The following ANK2 variants were observed in gnomAD, a reference collection of about 807,000 sequenced individuals.
ANK2 encodes the protein ankyrin-2.
A neutral mutation model predicts 360.5 loss-of-function variants in ANK2; 83 were observed. The ratio of observed to expected loss-of-function variants is 0.23; its 90% CI spans 0.19 to 0.28. ANK2 has a LOEUF of 0.28. Among genes scored for constraint, ANK2 ranks in the 10% least tolerant of loss-of-function variants. ANK2 has a pLI of 1.00. For missense variants in ANK2, 4,201 were observed against 4,795.7 expected (o/e 0.88, Z 3.66); for synonymous variants, 1,740 against 1,759.5 (o/e 0.99, Z 0.28).
chr4:113,381,400 A>C lies in ANK2; in HGVS notation c.11860-57A>C. The C allele has an allele frequency of 3.1e-6, 5 of 1,602,522 alleles. No homozygotes were observed. The South Asian group carries it at 5.5e-5, about 18-fold the overall frequency. ...AGTGTAATGGTCACCTTCATTCCTA[A>C]CAGCTGCCCTCTGGCAGTGAAAAGA... On this transcript the variant is annotated intron_variant, in intron 45 of 45. Transcript: ENST00000357077.
At chr4:112,885,796 CAAAAAAAAAAAAAA>C (rs750277917) in intron 1 of ANK2, among the ~76,000 whole-genome samples, 2 of 26,974 alleles carry the variant, frequency 7.4e-5, no homozygotes, top group Admixed American at 6.0e-4. Context: ...GACTCTGTCT[CAAAAAAAAAAAAAA>C]AAAAAAAAAA....
chr4:113,128,614 C>T (rs1483049690), intron 1 of ANK2, among the ~76,000 whole-genome samples: 2 of 152,012 alleles, frequency 1.3e-5, no homozygotes, highest in East Asian at 1.9e-4. Context: ...CTTAGCCTCC[C>T]GAGTAGCTGG....
chr4:112,772,727 C>T, the ANK2 span, among the ~76,000 whole-genome samples: 1 of 152,058 alleles, frequency 6.6e-6, no homozygotes, highest in South Asian at 2.1e-4. Flanking sequence ...CTGTTGAGTC[C>T]CTTTGGTACC....
intron 1 of ANK2, among the ~76,000 whole-genome samples, chr4:112,860,862 A>G (rs2067780443): frequency 6.6e-6 from 1 of 152,176 alleles, no homozygotes; most frequent in African/African-American, 2.4e-5. Flanking sequence ...GTACAAAAGA[A>G]TTGCTTCACT....
intron 1 of ANK2, among the ~76,000 whole-genome samples, chr4:113,162,398 C>G (rs868104355): frequency 6.6e-6 from 1 of 152,052 alleles, no homozygotes. Context: ...ATGGTCTGGG[C>G]CCTACTTTAC....
intron 2 of ANK2, among the ~76,000 whole-genome samples, chr4:113,040,858 C>T (rs2062776855): frequency 6.6e-6 from 1 of 151,984 alleles, no homozygotes; most frequent in Admixed American, 6.6e-5. Flanking sequence ...GGTCTTGTTC[C>T]CTCCTTTGTC....
intron 2 of ANK2, among the ~76,000 whole-genome samples, chr4:112,978,381 T>C (rs1283713364): frequency 6.6e-6 from 1 of 152,214 alleles, no homozygotes; most frequent in East Asian, 1.9e-4. Flanking sequence ...AAGTGTACAG[T>C]GGATTAAGTA....
intron 1 of ANK2, among the ~76,000 whole-genome samples, chr4:113,152,614 C>T (rs1456513801): frequency 2.0e-5 from 3 of 151,968 alleles, no homozygotes; most frequent in Non-Finnish European, 4.4e-5. Context: ...CTTTTTTGTG[C>T]CTTTCTTTAA....
At chr4:113,313,496 A>G (rs1467427327) in intron 24 of ANK2, among the ~76,000 whole-genome samples, 1 of 152,208 alleles carries the variant, frequency 6.6e-6, no homozygotes, top group African/African-American at 2.4e-5. Flanking sequence ...TGTGTTCTCC[A>G]GGTCTCCACT....
rs770481878 is a variant in ANK2 at position 113,359,078 on chromosome 4, A to G, written c.10460A>G (p.Lys3487Arg). Residue 3487 changes from lysine (K) to arginine (R), a missense_variant, in exon 38 of 46, where the codon AAA (lysine) becomes AGA (arginine). Physicochemically the swap from Lys to Arg is conservative, Grantham distance 26. Coordinates refer to ENST00000357077, the MANE Select transcript of ANK2 (RefSeq NM_001148.6). ...GAGGAGATTAGTGATGAGGCTTCCA[A>G]ATTAGTGGATAGGCTGACACAGTCA... is the stretch of plus-strand genomic sequence containing the variant. Reference protein sequence around the residue: ...FFEEISDEASKLVDRLTQSER... With the variant: ...FFEEISDEASRLVDRLTQSER... 5 of 1,613,982 alleles carry G rather than the reference A, an allele frequency of 3.1e-6. No individual in the cohort carries two copies. The highest frequency in any genetic ancestry group is 3.3e-5 in the Admixed American group (2 of 59,994).
intron 1 of ANK2, among the ~76,000 whole-genome samples, chr4:113,108,823 A>G (rs2093961656): frequency 6.6e-6 from 1 of 152,168 alleles, no homozygotes; most frequent in Admixed American, 6.5e-5. Flanking sequence ...TGAACCATCA[A>G]GTTTGGTTTT....
Position 112,964,089 on chromosome 4 carries a change from G to T in ANK2, c.21+59575G>T, listed in dbSNP as rs982686211. Among the ~76,000 whole-genome samples the T allele has an allele frequency of 5.6e-5, 8 of 143,668 alleles. No homozygotes were observed. The Middle Eastern group carries it at 0.01, about 186-fold the overall frequency. The allele number at this position is 143,668 out of a possible 152,430, so 94.3% of individuals were successfully genotyped here. ...ATATTTCCTTTTTAAAATTTTTAAG[G>T]TTTTAAAATTTTTTGTGGGTACATA... On this transcript the variant is annotated intron_variant, in intron 2 of 30. Transcript: ENST00000503271.
At chr4:112,771,859 A>T in the ANK2 span, among the ~76,000 whole-genome samples, 1 of 152,282 alleles carries the variant, frequency 6.6e-6, no homozygotes, top group African/African-American at 2.4e-5. Context: ...TGCTGAGATT[A>T]CAGGGGTGAG....
At chr4:113,060,186 G>A (rs528215340) in intron 1 of ANK2, among the ~76,000 whole-genome samples, 9 of 152,030 alleles carry the variant, frequency 5.9e-5, no homozygotes, top group South Asian at 4.2e-4. Flanking sequence ...AATCAAACCC[G>A]TTTGAACACA....
intron 15 of ANK2, among the ~76,000 whole-genome samples, chr4:113,276,705 T>G (rs535553321): frequency 1.3e-5 from 2 of 152,316 alleles, no homozygotes; most frequent in South Asian, 4.2e-4. Flanking sequence ...AAGGATTTAT[T>G]AATACCAAAT....
chr4:112,944,987 C>CA (rs2094459861), intron 2 of ANK2, among the ~76,000 whole-genome samples: 1 of 152,208 alleles, frequency 6.6e-6, no homozygotes, highest in Non-Finnish European at 1.5e-5. Flanking sequence ...AATATTTAAG[C>CA]AACTGTGTAT....
the ANK2 span, among the ~76,000 whole-genome samples, chr4:112,810,159 A>AT: frequency 2.8e-4 from 10 of 35,792 alleles, no homozygotes; most frequent in South Asian, 1.1e-3. Context: ...ATATATATAT[A>AT]TTTTTTTTTT....
the ANK2 span, among the ~76,000 whole-genome samples, chr4:112,721,230 T>C: frequency 6.6e-6 from 1 of 152,090 alleles, no homozygotes. Flanking sequence ...TTTATCATCT[T>C]GGAGCTGATT....
chr4:112,764,702 GTTATCTTTTTTT>G, the ANK2 span, among the ~76,000 whole-genome samples: 1 of 146,022 alleles, frequency 6.8e-6, no homozygotes, highest in Non-Finnish European at 1.5e-5. Flanking sequence ...TCCTTGAAAA[GTTATCTTTTTTT>G]TTTTTTTTTT....
Sources: allele counts gnomAD v4.1 joint callset (sites outside exome capture counted in the v4.1 genomes callset), GRCh38; gene constraint gnomAD v4.1.1; transcripts MANE v1.5; gene names NCBI Gene and HGNC (gene_info 2026-07-23, HGNC 2026-07-21).